CTNND2: variants seen among roughly 807,000 people sequenced by gnomAD.
CTNND2 encodes the protein catenin delta-2.
A neutral mutation model predicts 144.4 loss-of-function variants in CTNND2; 22 were observed. The observed-to-expected ratio is 0.15, with a 90% confidence interval of 0.11 to 0.22. The LOEUF is 0.22. Ranked by LOEUF, CTNND2 falls within the 10% of genes least tolerant of loss-of-function variation. The probability of loss-of-function intolerance (pLI) is 1.00; values close to 1 mark genes in which losing one functional copy is unlikely to be tolerated. For missense variants in CTNND2, 1,353 were observed against 1,618.8 expected, an observed-to-expected ratio of 0.84 and a Z score of 2.82; for synonymous variants, 751 against 695.6, an observed-to-expected ratio of 1.08 and a Z score of -1.25.
chr5:11,864,757 T>C lies in CTNND2; in HGVS notation c.37+39060A>G, dbSNP rs767370742. Among the ~76,000 whole-genome samples, 19 of 152,110 alleles carry C rather than the reference T, an allele frequency of 1.2e-4. 1 individual carries two copies. Among genetic ancestry groups the C allele is most frequent in the Non-Finnish European group, 2.1e-4 (14 of 68,022 alleles). The stretch of plus-strand genomic sequence containing the variant: ...CATGCCTCCTCCACCAGTTGTGATG[T>C]GCAAAATGCCTCCCGTCAGTGCTCA... On this transcript the variant is annotated intron_variant, in intron 1 of 21. Transcript: ENST00000304623.
At chr5:11,311,779 TCACACACACACA>T (rs113111244) in intron 9 of CTNND2, among the ~76,000 whole-genome samples, 2 of 105,444 alleles carry the variant, frequency 1.9e-5, no homozygotes, top group Non-Finnish European at 1.9e-5. Flanking sequence ...CACCCTCACC[TCACACACACACA>T]CACACACACA....
chr5:11,442,301 A>T (rs963960896), intron 3 of CTNND2, among the ~76,000 whole-genome samples: 5 of 152,202 alleles, frequency 3.3e-5, no homozygotes, highest in African/African-American at 1.2e-4. Flanking sequence ...ATAGATACAG[A>T]TATAGATATA....
At chr5:11,232,583 C>T (rs1741150089) in intron 10 of CTNND2, among the ~76,000 whole-genome samples, 1 of 152,216 alleles carries the variant, frequency 6.6e-6, no homozygotes, top group Non-Finnish European at 1.5e-5. Flanking sequence ...GATGTATTTA[C>T]CCAATGCCTG....
At chr5:11,394,177 T>C (rs1581101237) in intron 6 of CTNND2, among the ~76,000 whole-genome samples, 1 of 152,298 alleles carries the variant, frequency 6.6e-6, no homozygotes, top group Non-Finnish European at 1.5e-5. Flanking sequence ...ATAGAAACCA[T>C]CACTTTCTAA....
intron 9 of CTNND2, among the ~76,000 whole-genome samples, chr5:11,238,786 TATA>T (rs1232214153): frequency 6.6e-6 from 1 of 152,058 alleles, no homozygotes; most frequent in African/African-American, 2.4e-5. Flanking sequence ...AGACATACAG[TATA>T]ATAATATACT....
chr5:11,257,495 C>T (rs187328271), intron 9 of CTNND2, among the ~76,000 whole-genome samples: 1 of 152,274 alleles, frequency 6.6e-6, no homozygotes, highest in East Asian at 1.9e-4. Context: ...GCAGAAGGCA[C>T]CCCTTCATAG....
intron 2 of CTNND2, among the ~76,000 whole-genome samples, chr5:11,677,893 C>G (rs1486369866): frequency 6.6e-6 from 1 of 152,098 alleles, no homozygotes; most frequent in African/African-American, 2.4e-5. Context: ...AAGTATCAAG[C>G]AGAACACTGC....
chr5:11,355,735 T>C (rs1755802173), intron 8 of CTNND2, among the ~76,000 whole-genome samples: 1 of 152,030 alleles, frequency 6.6e-6, no homozygotes, highest in Non-Finnish European at 1.5e-5. Context: ...AAGGAGAAAG[T>C]CAAATTGTCT....
chr5:11,216,231 G>A (rs1031153987), intron 10 of CTNND2, among the ~76,000 whole-genome samples: 9 of 152,088 alleles, frequency 5.9e-5, no homozygotes, highest in African/African-American at 9.7e-5. Flanking sequence ...CCCCCCCACC[G>A]CCACCCTATA....
chr5:11,751,949 T>C (rs763008458), intron 1 of CTNND2, among the ~76,000 whole-genome samples: 4 of 151,974 alleles, frequency 2.6e-5, no homozygotes, highest in Non-Finnish European at 5.9e-5. Flanking sequence ...TTGATTTGCA[T>C]TGTTCTAATG....
chr5:11,682,721 C>T (rs1331143589), intron 2 of CTNND2, among the ~76,000 whole-genome samples: 1 of 152,052 alleles, frequency 6.6e-6, no homozygotes, highest in Non-Finnish European at 1.5e-5. Flanking sequence ...AAAATGTACC[C>T]AGAACTGTGT....
intron 9 of CTNND2, among the ~76,000 whole-genome samples, chr5:11,340,397 T>G (rs536847349): frequency 6.6e-6 from 1 of 152,284 alleles, no homozygotes; most frequent in East Asian, 1.9e-4. Context: ...TAGAAGATAG[T>G]AATGCCTTCA....
At chr5:11,428,364 A>G (rs31895) in intron 3 of CTNND2, among the ~76,000 whole-genome samples, 104,131 of 151,992 alleles carry the variant, frequency 0.69, 36,912 homozygotes, top group African/African-American at 0.84. Flanking sequence ...TCAAGCCCCA[A>G]CTCCTTGGAA....
At chr5:11,404,664 C>CTGGAG (rs2149827606) in intron 5 of CTNND2, among the ~76,000 whole-genome samples, 1 of 117,042 alleles carries the variant, frequency 8.5e-6, no homozygotes, top group South Asian at 3.1e-4. Flanking sequence ...ATTGCCAGAG[C>CTGGAG]TGGAGTGGAG....
chr5:11,337,903 T>C (rs997683030), intron 9 of CTNND2, among the ~76,000 whole-genome samples: 7 of 152,200 alleles, frequency 4.6e-5, no homozygotes, highest in African/African-American at 1.7e-4. Context: ...GCATGGTACT[T>C]CTCAGTTGCT....
intron 1 of CTNND2, among the ~76,000 whole-genome samples, chr5:11,894,026 C>T (rs1005863589): frequency 9.9e-5 from 15 of 152,078 alleles, no homozygotes; most frequent in Admixed American, 6.5e-5. Context: ...AATTAGATTT[C>T]TGTAACTTAC....
At chr5:11,795,538 G>A (rs1316786399) in intron 1 of CTNND2, among the ~76,000 whole-genome samples, 4 of 152,174 alleles carry the variant, frequency 2.6e-5, no homozygotes, top group East Asian at 1.9e-4. Context: ...AGACCAGTGA[G>A]GAGTCAGATT....
chr5:11,376,598 C>T (rs1757972537), intron 7 of CTNND2, among the ~76,000 whole-genome samples: 1 of 152,082 alleles, frequency 6.6e-6, no homozygotes, highest in Non-Finnish European at 1.5e-5. Context: ...AGTCTTCCTT[C>T]AGAATGAGTG....
chr5:11,861,707 A>C (rs1795512583), intron 1 of CTNND2, among the ~76,000 whole-genome samples: 1 of 152,202 alleles, frequency 6.6e-6, no homozygotes, highest in Non-Finnish European at 1.5e-5. Context: ...TGCAGTGTGA[A>C]AGCCAAAGGG....
Sources: allele counts gnomAD v4.1 joint callset (sites outside exome capture counted in the v4.1 genomes callset), GRCh38; gene constraint gnomAD v4.1.1; transcripts MANE v1.5; gene names NCBI Gene and HGNC (gene_info 2026-07-23, HGNC 2026-07-21).